LINGO2: variants seen among roughly 807,000 people sequenced by gnomAD.
The protein encoded by LINGO2 is leucine-rich repeat and immunoglobulin-like domain-containing nogo receptor-interacting protein 2.
In LINGO2, 14 loss-of-function variants were observed where a neutral mutation model predicts 30.6. The observed-to-expected ratio is 0.46, with a 90% CI of 0.30 to 0.72. The LOEUF is 0.72. Ranked by LOEUF, LINGO2 falls within the 30% of genes least tolerant of loss-of-function variation. LINGO2 has a pLI of 0.07. For missense variants in LINGO2, 729 were observed against 751.7 expected (o/e 0.97, Z 0.35); for synonymous variants, 317 against 288.5 (o/e 1.10, Z -1.00).
At chr9:28,155,948 T>G (rs755615622) in intron 4 of LINGO2, among the ~76,000 whole-genome samples, 8 of 152,138 alleles carry the variant, frequency 5.3e-5, no homozygotes, top group Non-Finnish European at 1.0e-4. Context: ...CTTCCCAGCC[T>G]CAGAACTGTG....
intron 1 of LINGO2, among the ~76,000 whole-genome samples, chr9:28,654,485 TTGAG>T (rs58090421): frequency 0.35 from 53,206 of 151,654 alleles, 10,404 homozygotes; most frequent in African/African-American, 0.52. Flanking sequence ...ATTGGATTGA[TTGAG>T]TATCAGGAGA....
At chr9:28,600,852 C>G (rs936315627) in intron 1 of LINGO2, among the ~76,000 whole-genome samples, 1 of 152,054 alleles carries the variant, frequency 6.6e-6, no homozygotes, top group Non-Finnish European at 1.5e-5. Context: ...AATTTACACT[C>G]TGTATATAAA....
chr9:27,989,820 T>C (rs1563887537), intron 5 of LINGO2, among the ~76,000 whole-genome samples: 1 of 152,030 alleles, frequency 6.6e-6, no homozygotes, highest in African/African-American at 2.4e-5. Flanking sequence ...ATGAAGTTCA[T>C]GCAAGAAAGT....
chr9:29,072,386 G>T, the LINGO2 span, among the ~76,000 whole-genome samples: 1 of 151,746 alleles, frequency 6.6e-6, no homozygotes, highest in Admixed American at 6.6e-5. Flanking sequence ...TCAAAAACTA[G>T]ATTATGATTA....
chr9:28,789,188 G>C, the LINGO2 span, among the ~76,000 whole-genome samples: 1 of 152,040 alleles, frequency 6.6e-6, no homozygotes, highest in Non-Finnish European at 1.5e-5. Context: ...TTGGGCATGA[G>C]TAGAAATGAA....
At chr9:28,018,240 A>G (rs1257464952) in intron 4 of LINGO2, among the ~76,000 whole-genome samples, 1 of 152,176 alleles carries the variant, frequency 6.6e-6, no homozygotes, top group African/African-American at 2.4e-5. Flanking sequence ...TGTAGAACCT[A>G]AAACTATAAA....
intron 3 of LINGO2, among the ~76,000 whole-genome samples, chr9:28,330,951 T>C (rs1825397672): frequency 6.6e-6 from 1 of 152,192 alleles, no homozygotes; most frequent in Non-Finnish European, 1.5e-5. Context: ...TAGGATACTG[T>C]TGCTATTTCT....
At chr9:28,050,110 G>A (rs1015953219) in intron 4 of LINGO2, among the ~76,000 whole-genome samples, 1 of 150,608 alleles carries the variant, frequency 6.6e-6, no homozygotes, top group African/African-American at 2.5e-5. Context: ...AAGGAGAGAA[G>A]AGTGAGGGGT....
chr9:28,378,057 T>A (rs1361711669), intron 2 of LINGO2, among the ~76,000 whole-genome samples: 1 of 152,218 alleles, frequency 6.6e-6, no homozygotes, highest in African/African-American at 2.4e-5. Flanking sequence ...TCATTTATAC[T>A]TTCTATTTAA....
intron 2 of LINGO2, among the ~76,000 whole-genome samples, chr9:28,397,673 G>A (rs572208123): frequency 2.0e-5 from 3 of 149,362 alleles, no homozygotes; most frequent in East Asian, 4.1e-4. Context: ...TCAGCCTCCC[G>A]AGTAGCTGGG....
At chr9:28,124,362 T>C (rs1266725135) in intron 4 of LINGO2, among the ~76,000 whole-genome samples, 5 of 152,236 alleles carry the variant, frequency 3.3e-5, no homozygotes, top group Non-Finnish European at 7.3e-5. Flanking sequence ...TACTTCTCTT[T>C]ACAGGAACAG....
intron 4 of LINGO2, among the ~76,000 whole-genome samples, chr9:28,285,562 T>C (rs1025516910): frequency 2.0e-5 from 3 of 151,826 alleles, no homozygotes; most frequent in Non-Finnish European, 4.4e-5. Context: ...CCCACCACCA[T>C]GCCTGGCTAA....
intron 2 of LINGO2, among the ~76,000 whole-genome samples, chr9:28,449,120 A>G (rs926772471): frequency 6.6e-6 from 1 of 150,794 alleles, no homozygotes; most frequent in African/African-American, 2.4e-5. Flanking sequence ...GGCCTTTTCT[A>G]TAACAAATGG....
intron 1 of LINGO2, among the ~76,000 whole-genome samples, chr9:28,617,725 A>AC (rs1647711537): frequency 6.6e-6 from 1 of 151,478 alleles, no homozygotes; most frequent in African/African-American, 2.4e-5. Context: ...TTTCATCTTT[A>AC]CTTTTTTTTT....
the LINGO2 span, among the ~76,000 whole-genome samples, chr9:28,886,019 T>G: frequency 6.6e-6 from 1 of 152,220 alleles, no homozygotes. Flanking sequence ...TTTGGCTATT[T>G]ATTTTCCTAT....
At chr9:29,112,221 T>G in the LINGO2 span, among the ~76,000 whole-genome samples, 26 of 151,848 alleles carry the variant, frequency 1.7e-4, no homozygotes, top group African/African-American at 6.1e-4. Flanking sequence ...TCAGAGCAAT[T>G]AAGAAGCTTG....
chr9:28,440,675 A>G (rs1444592222), intron 2 of LINGO2, among the ~76,000 whole-genome samples: 1 of 152,212 alleles, frequency 6.6e-6, no homozygotes, highest in Non-Finnish European at 1.5e-5. Flanking sequence ...AATATCTCAG[A>G]TAATGCTTTT....
At chr9:28,630,278 C>T (rs1172811224) in intron 1 of LINGO2, among the ~76,000 whole-genome samples, 2 of 151,946 alleles carry the variant, frequency 1.3e-5, no homozygotes, top group Non-Finnish European at 2.9e-5. Flanking sequence ...AATGCATCAT[C>T]AGTCACATGT....
the LINGO2 span, among the ~76,000 whole-genome samples, chr9:28,910,544 T>C: frequency 1.3e-5 from 2 of 152,050 alleles, no homozygotes; most frequent in African/African-American, 4.8e-5. Context: ...GATTAAATCA[T>C]GGGGGCAAAC....
Sources: gnomAD v4.1 joint callset for allele counts (sites outside exome capture counted in the v4.1 genomes callset) on GRCh38, gnomAD v4.1.1 for gene constraint, MANE v1.5 for transcripts, NCBI Gene and HGNC (gene_info 2026-07-23, HGNC 2026-07-21) for gene names.